LMX1A: variants seen among roughly 807,000 people sequenced by gnomAD.
LMX1A encodes the protein LIM homeobox transcription factor 1 alpha, also known as LIM homeobox transcription factor 1-alpha.
Under a neutral mutation model 49.1 loss-of-function variants are expected in LMX1A, and 15 were observed. The ratio of observed to expected loss-of-function variants is 0.31; its 90% confidence interval spans 0.20 to 0.47. LMX1A has a LOEUF of 0.47. LMX1A is among the 20% of genes least tolerant of loss of function. The pLI is 1.00. For missense variants in LMX1A, 372 were observed against 475.8 expected (o/e 0.78, Z 2.03); for synonymous variants, 167 against 185.7 (o/e 0.90, Z 0.82).
chr1:165,211,828 C>T (rs1255034713), intron 5 of LMX1A, among the ~76,000 whole-genome samples: 4 of 152,140 alleles, frequency 2.6e-5, no homozygotes, highest in Non-Finnish European at 5.9e-5. Context: ...CCAAAGTGAC[C>T]TTTCCCTTCC....
At chr1:165,350,452 T>C (rs952947428) in intron 3 of LMX1A, among the ~76,000 whole-genome samples, 8 of 152,178 alleles carry the variant, frequency 5.3e-5, no homozygotes, top group Non-Finnish European at 1.0e-4. Context: ...AGACTTTTTC[T>C]CATTGTCCTC....
intron 4 of LMX1A, among the ~76,000 whole-genome samples, chr1:165,232,749 G>T (rs1359397028): frequency 6.6e-6 from 1 of 152,122 alleles, no homozygotes; most frequent in East Asian, 1.9e-4. Flanking sequence ...ATTGTGTCTG[G>T]AGTCCTTTGT....
chr1:165,278,406 G>A (rs1272542303), intron 3 of LMX1A, among the ~76,000 whole-genome samples: 1 of 152,214 alleles, frequency 6.6e-6, no homozygotes, highest in East Asian at 1.9e-4. Context: ...CAGAATCTAA[G>A]CTCCCTCTTG....
At chr1:165,308,894 G>A (rs984046233) in intron 3 of LMX1A, among the ~76,000 whole-genome samples, 2 of 152,156 alleles carry the variant, frequency 1.3e-5, no homozygotes, top group Non-Finnish European at 2.9e-5. Flanking sequence ...CACCTCCCAG[G>A]TTAGCCAATG....
intron 4 of LMX1A, among the ~76,000 whole-genome samples, chr1:165,238,269 C>T (rs1240975616): frequency 1.3e-5 from 2 of 152,166 alleles, no homozygotes; most frequent in Non-Finnish European, 2.9e-5. Flanking sequence ...TGCTTTTATT[C>T]ATTTGATTGA....
chr1:165,239,097 T>C (rs1268128937), intron 4 of LMX1A, among the ~76,000 whole-genome samples: 10 of 152,200 alleles, frequency 6.6e-5, no homozygotes, highest in Admixed American at 6.5e-4. Context: ...CATTTTCCCA[T>C]TTGGCCAATT....
In LMX1A at chr1:165,222,332, T is replaced by C. The variant is rs78203378; in HGVS notation, c.497-8519A>G. Among the ~76,000 whole-genome samples the C allele has an allele frequency of 3.1e-3, 470 of 152,346 alleles. 6 individuals are homozygous for C. Among genetic ancestry groups the C allele is most frequent in the African/African-American group, 0.011 (459 of 41,592 alleles). ...TTAATCCAGCTTCCCTATGGTTCAC[T>C]AGGCTTGGAGTATTATATGCATGAC... is the stretch of plus-strand genomic sequence containing the variant. On this transcript the variant is annotated intron_variant, in intron 4 of 8. Transcript: ENST00000342310.
At chr1:165,266,245 A>G (rs1437682119) in intron 3 of LMX1A, among the ~76,000 whole-genome samples, 3 of 152,184 alleles carry the variant, frequency 2.0e-5, no homozygotes, top group African/African-American at 7.2e-5. Flanking sequence ...TTCCCTGGAT[A>G]ACTGACGTTA....
At chr1:165,233,636 T>TC (rs1571165694) in intron 4 of LMX1A, among the ~76,000 whole-genome samples, 2 of 152,204 alleles carry the variant, frequency 1.3e-5, no homozygotes, top group East Asian at 3.8e-4. Context: ...TTTATCTAGA[T>TC]CCCTGGTTCT....
Position 165,203,529 on chromosome 1 carries a change from A to C in LMX1A, c.*351T>G. The C allele has an allele frequency of 1.1e-5, 2 of 176,532 alleles. No individual in the cohort carries two copies. Among genetic ancestry groups the C allele is most frequent in the Non-Finnish European group, 2.4e-5 (2 of 82,512 alleles). 10.9% of individuals were successfully genotyped at this position (176,532 alleles called of 1,614,324 possible). ...TGTCTATTGGTGTGTAGATGGATAG[A>C]CATATGCACCTCTTGACAAGAGCTT... On this transcript the variant is annotated 3_prime_UTR_variant, in exon 9 of 9. Coordinates refer to ENST00000342310, the MANE Select transcript of LMX1A (RefSeq NM_177398.4).
intron 3 of LMX1A, among the ~76,000 whole-genome samples, chr1:165,336,148 C>G (rs575517327): frequency 3.9e-5 from 6 of 151,988 alleles, no homozygotes; most frequent in Non-Finnish European, 8.8e-5. Flanking sequence ...AAGAGATTCC[C>G]CAGATGTTAA....
chr1:165,330,587 A>G (rs1655717769), intron 3 of LMX1A, among the ~76,000 whole-genome samples: 1 of 152,234 alleles, frequency 6.6e-6, no homozygotes, highest in African/African-American at 2.4e-5. Context: ...ATAGAAAACA[A>G]CTATGTGAAG....
At chr1:165,228,780 C>T (rs963371625) in intron 4 of LMX1A, among the ~76,000 whole-genome samples, 13 of 152,088 alleles carry the variant, frequency 8.5e-5, no homozygotes, top group African/African-American at 1.2e-4. Context: ...TAAAGTTCTA[C>T]GAGCAGTCAG....
At chr1:165,236,941 A>G (rs1190402041) in intron 4 of LMX1A, among the ~76,000 whole-genome samples, 1 of 151,424 alleles carries the variant, frequency 6.6e-6, no homozygotes. Context: ...TTGTTTATCC[A>G]TTTATTTAGT....
Position 165,281,744 on chromosome 1 carries a change from GTA to G in LMX1A, c.264-32106_264-32105del, listed in dbSNP as rs67511030. Among the ~76,000 whole-genome samples, 106 of 136,762 alleles carry G rather than the reference GTA, an allele frequency of 7.8e-4. 1 individual carries two copies. The highest frequency in any genetic ancestry group is 1.4e-3 in the East Asian group (7 of 4,938). 89.7% of individuals were successfully genotyped at this position (136,762 alleles called of 152,430 possible). On this transcript the variant is annotated intron_variant, in intron 3 of 8. Coordinates refer to ENST00000342310, the MANE Select transcript of LMX1A (RefSeq NM_177398.4). The stretch of plus-strand genomic sequence containing the variant: ...CAGGCAATATTTTGTGTGTGTGTGT[GTA>G]TGTGTGTGTGTGTGTGTGTGTGTGT...
chr1:165,351,988 G>A (rs113282622), intron 3 of LMX1A, among the ~76,000 whole-genome samples: 2 of 152,020 alleles, frequency 1.3e-5, no homozygotes, highest in African/African-American at 4.8e-5. Flanking sequence ...GCGCGTGCAC[G>A]CGCGCGTCCA....
intron 3 of LMX1A, among the ~76,000 whole-genome samples, chr1:165,269,120 C>T (rs1198725589): frequency 6.6e-6 from 1 of 152,162 alleles, no homozygotes; most frequent in African/African-American, 2.4e-5. Flanking sequence ...CATTTCAGTC[C>T]CTTGGAGGCT....
At chr1:165,223,032 T>G (rs1571158123) in intron 4 of LMX1A, among the ~76,000 whole-genome samples, 1 of 151,122 alleles carries the variant, frequency 6.6e-6, no homozygotes, top group South Asian at 2.1e-4. Flanking sequence ...GGTGGTGGGG[T>G]GGGGGAGTGA....
chr1:165,354,567 T>C (rs1189127852), intron 2 of LMX1A, among the ~76,000 whole-genome samples: 6 of 152,086 alleles, frequency 3.9e-5, no homozygotes, highest in Admixed American at 2.6e-4. Context: ...TCAGTGCACG[T>C]GATTTCGTTT....
Sources: allele counts gnomAD v4.1 joint callset (sites outside exome capture counted in the v4.1 genomes callset), GRCh38; gene constraint gnomAD v4.1.1; transcripts MANE v1.5; gene names NCBI Gene and HGNC (gene_info 2026-07-23, HGNC 2026-07-21).